The following ADRA1A variants were observed in gnomAD, a reference collection of about 807,000 sequenced individuals.
ADRA1A encodes adrenoceptor alpha 1A.
ADRA1A carries 31 observed loss-of-function variants against 29.6 expected under a neutral mutation model. The ratio of observed to expected loss-of-function variants is 1.05; its 90% CI spans 0.79 to 1.41. The LOEUF (loss-of-function observed/expected upper bound fraction) is 1.41. ADRA1A is among the 40% of genes most tolerant of loss of function. The pLI is 0.00. For missense variants in ADRA1A, 619 were observed against 601.1 expected (o/e 1.03, Z -0.31); for synonymous variants, 311 against 254.3 (o/e 1.22, Z -2.12).
At chr8:26,820,300 A>G (rs1266096922) in intron 2 of ADRA1A, among the ~76,000 whole-genome samples, 1 of 152,214 alleles carries the variant, frequency 6.6e-6, no homozygotes. Flanking sequence ...GTTTTTCTCA[A>G]TTGTAGGTGG....
intron 2 of ADRA1A, among the ~76,000 whole-genome samples, chr8:26,863,254 G>C (rs1813614882): frequency 1.3e-5 from 2 of 152,176 alleles, no homozygotes; most frequent in South Asian, 4.1e-4. Flanking sequence ...TCTATTCCAA[G>C]TGGATCAGCT....
At chr8:26,763,916 GA>G (rs369032559), downstream of ADRA1A, among the ~76,000 whole-genome samples, 35 of 152,290 alleles carry the variant, frequency 2.3e-4, no homozygotes, top group African/African-American at 7.7e-4. This position sits in a 1 kb window ranked among gnomAD's most constrained non-coding sequence, Gnocchi z 4.5. Flanking sequence ...GTCACATACA[GA>G]AAAGGTTTGC....
At chr8:26,816,285 C>T (rs763167107) in intron 2 of ADRA1A, among the ~76,000 whole-genome samples, 5 of 152,118 alleles carry the variant, frequency 3.3e-5, no homozygotes, top group African/African-American at 4.8e-5. Flanking sequence ...TGAGAAAAAC[C>T]GTATTCCATG....
At chr8:26,844,829 G>T (rs746832691) in intron 2 of ADRA1A, among the ~76,000 whole-genome samples, 1 of 152,154 alleles carries the variant, frequency 6.6e-6, no homozygotes, top group Non-Finnish European at 1.5e-5. Context: ...TTTGTCAGGG[G>T]TGTTCAATCT....
chr8:26,820,221 T>G (rs1810059423), intron 2 of ADRA1A, among the ~76,000 whole-genome samples: 1 of 152,202 alleles, frequency 6.6e-6, no homozygotes, highest in African/African-American at 2.4e-5. Flanking sequence ...AATACCAGAC[T>G]TGAATTATAC....
chr8:26,786,023 C>T (rs530197228), intron 2 of ADRA1A, among the ~76,000 whole-genome samples: 12 of 152,156 alleles, frequency 7.9e-5, no homozygotes, highest in Middle Eastern at 3.4e-3. Flanking sequence ...TTCCCTTTTC[C>T]CTAGGATGAC....
intron 2 of ADRA1A, among the ~76,000 whole-genome samples, chr8:26,784,372 A>AT (rs1272871151): frequency 7.2e-5 from 11 of 152,212 alleles, no homozygotes; most frequent in African/African-American, 2.7e-4. Flanking sequence ...TAGGTGATTA[A>AT]TTCAGAACAT....
At chr8:26,798,169 G>A (rs1254995167) in intron 2 of ADRA1A, among the ~76,000 whole-genome samples, 1 of 152,150 alleles carries the variant, frequency 6.6e-6, no homozygotes. Flanking sequence ...AGTAGAGACA[G>A]GGTTTTGCCA....
intron 2 of ADRA1A, among the ~76,000 whole-genome samples, chr8:26,786,146 A>G (rs1807362102): frequency 6.6e-6 from 1 of 152,112 alleles, no homozygotes; most frequent in South Asian, 2.1e-4. Flanking sequence ...GGGCCATATG[A>G]TCTGCTCTTG....
At chr8:26,801,678 G>T (rs928837950) in intron 2 of ADRA1A, among the ~76,000 whole-genome samples, 31 of 92,306 alleles carry the variant, frequency 3.4e-4, no homozygotes, top group African/African-American at 2.7e-3. Flanking sequence ...CTATTAAAAT[G>T]TTCATAAACA....
chr8:26,861,250 C>G (rs1262304182), intron 2 of ADRA1A, among the ~76,000 whole-genome samples: 1 of 150,344 alleles, frequency 6.7e-6, no homozygotes, highest in Non-Finnish European at 1.5e-5. Flanking sequence ...CCTTTGCAAT[C>G]TTGTTTGCTG....
chr8:26,770,324 C>T lies in ADRA1A; in HGVS notation c.1226G>A (p.Arg409Lys). ...GGATTGGTCTTTGGACACTGTAATC[C>T]TGGCAGATCCACGGGGCATGGAAGA... ...FFSSMPRGSA[R>K]ITVSKDQSSC... The change falls in exon 3 of 3, where the codon AGG (arginine) becomes AAG (lysine). Residue 409 changes from arginine to lysine, a missense_variant. Coordinates refer to ENST00000380573, the MANE Select transcript of ADRA1A (RefSeq NM_000680.4). The T allele has an allele frequency of 2.5e-6, 4 of 1,614,200 alleles. No homozygotes were observed. Among genetic ancestry groups the T allele is most frequent in the Non-Finnish European group, 3.4e-6 (4 of 1,180,034 alleles).
Position 26,805,173 on chromosome 8 carries a change from G to C in ADRA1A, c.884-34507C>G, listed in dbSNP as rs141186400. Among the ~76,000 whole-genome samples, 1 of 152,192 alleles carries C rather than the reference G, an allele frequency of 6.6e-6. No individual in the cohort carries two copies. The highest frequency in any genetic ancestry group is 1.5e-5 in the Non-Finnish European group (1 of 68,038). On this transcript the variant is annotated intron_variant, in intron 2 of 2. Transcript: ENST00000380573. The surrounding 1 kb of genome is among the most constrained non-coding windows in gnomAD (Gnocchi z 4.8). Reference sequence around the variant, plus strand: ...CAGTTATATTGTGTCCCACTGTGACGACCAAGAATGGGGCTCTCACCTCTG... The same window carrying C: ...CAGTTATATTGTGTCCCACTGTGACCACCAAGAATGGGGCTCTCACCTCTG...
intron 2 of ADRA1A, among the ~76,000 whole-genome samples, chr8:26,830,957 A>T (rs999770929): frequency 2.0e-5 from 3 of 152,146 alleles, no homozygotes; most frequent in African/African-American, 7.2e-5. Context: ...AAATGACTGG[A>T]TGAAAGCCCC....
intron 2 of ADRA1A, among the ~76,000 whole-genome samples, chr8:26,862,243 C>T (rs1357749713): frequency 2.0e-5 from 3 of 152,176 alleles, no homozygotes; most frequent in African/African-American, 7.2e-5. Flanking sequence ...GCCCAGGAAG[C>T]TCTTCTTCCC....
intron 2 of ADRA1A, among the ~76,000 whole-genome samples, chr8:26,798,500 C>A (rs1028062941): frequency 1.3e-5 from 2 of 152,182 alleles, no homozygotes; most frequent in African/African-American, 4.8e-5. Flanking sequence ...CCTGCTTATT[C>A]TCATTTACTT....
intron 2 of ADRA1A, among the ~76,000 whole-genome samples, chr8:26,839,157 AT>A (rs11352512): frequency 0.58 from 69,631 of 119,838 alleles, 19,864 homozygotes; most frequent in Non-Finnish European, 0.67. Context: ...TCTGTGAAGA[AT>A]TTTTTTTTTT....
rs1806492733 is a variant in ADRA1A at position 26,775,686 on chromosome 8, A to G, written c.884-5020T>C. 6.6e-6 allele frequency among the ~76,000 whole-genome samples: 1 copy of G among 152,190 alleles called. No individual in the cohort carries two copies. Among genetic ancestry groups the G allele is most frequent in the South Asian group, 2.1e-4 (1 of 4,830 alleles). On this transcript the variant is annotated intron_variant, in intron 2 of 2. Coordinates refer to ENST00000380573, the MANE Select transcript of ADRA1A (RefSeq NM_000680.4). This position sits in a 1 kb window ranked among gnomAD's most constrained non-coding sequence, Gnocchi z 4.1. Reference sequence around the variant, plus strand: ...GGGCTTTGGAAAATCCCCACAGCCTAAGGATTCTTCCTGTCACTGAGTTTC... The same window carrying G: ...GGGCTTTGGAAAATCCCCACAGCCTGAGGATTCTTCCTGTCACTGAGTTTC...
intron 2 of ADRA1A, among the ~76,000 whole-genome samples, chr8:26,855,721 T>G (rs964191423): frequency 2.6e-5 from 4 of 152,106 alleles, no homozygotes; most frequent in Non-Finnish European, 5.9e-5. Flanking sequence ...TATTCTGCAC[T>G]TGTATCCCAG....
Sources: gnomAD v4.1 joint callset for allele counts (sites outside exome capture counted in the v4.1 genomes callset) on GRCh38, gnomAD v4.1.1 for gene constraint, Gnocchi (gnomAD v3.1) non-coding constraint, MANE v1.5 for transcripts, NCBI Gene and HGNC (gene_info 2026-07-23, HGNC 2026-07-21) for gene names.